CD247: variants seen among roughly 807,000 people sequenced by gnomAD.
CD247 encodes the protein CD247 molecule.
CD247 carries 13 observed loss-of-function variants against 30.0 expected under a neutral mutation model. That is an observed-to-expected ratio of 0.43 (90% CI 0.28 to 0.69). CD247 has a LOEUF of 0.69. CD247 is among the 30% of genes least tolerant of loss of function. CD247 has a pLI of 0.16. For missense variants in CD247, 193 were observed against 212.6 expected, an observed-to-expected ratio of 0.91 and a Z score of 0.57; for synonymous variants, 72 against 80.0, an observed-to-expected ratio of 0.90 and a Z score of 0.53.
chr1:167,468,850 C>T (rs1443342433), intron 1 of CD247, among the ~76,000 whole-genome samples: 2 of 152,162 alleles, frequency 1.3e-5, no homozygotes, highest in Non-Finnish European at 2.9e-5. Context: ...ATGCTCCACC[C>T]GGCTGATTTG....
chr1:167,478,959 C>T (rs539441042), intron 1 of CD247, among the ~76,000 whole-genome samples: 5 of 152,288 alleles, frequency 3.3e-5, no homozygotes, highest in African/African-American at 7.2e-5. Context: ...TAAAGTATTA[C>T]AGTTTTTAAT....
chr1:167,451,056 C>A (rs1652332741), intron 1 of CD247, among the ~76,000 whole-genome samples: 1 of 151,934 alleles, frequency 6.6e-6, no homozygotes, highest in South Asian at 2.1e-4. Flanking sequence ...CAGGGAAGGG[C>A]ACTCCGGGCA....
chr1:167,514,302 A>G (rs555955328), intron 1 of CD247, among the ~76,000 whole-genome samples: 19 of 152,026 alleles, frequency 1.2e-4, no homozygotes, highest in African/African-American at 4.1e-4. Flanking sequence ...ATGCCCAGTT[A>G]ATTTTTTGCA....
chr1:167,435,883 G>C (rs1298329142), intron 4 of CD247, among the ~76,000 whole-genome samples: 1 of 152,224 alleles, frequency 6.6e-6, no homozygotes, highest in Non-Finnish European at 1.5e-5. Context: ...TTGGATGGTG[G>C]GGGTGAGGAG....
intron 1 of CD247, among the ~76,000 whole-genome samples, chr1:167,453,360 A>G (rs1652463468): frequency 6.6e-6 from 1 of 152,184 alleles, no homozygotes. Flanking sequence ...ACGAGAAGCC[A>G]GGTCTTGCCG....
At chr1:167,516,334 G>T (rs1256548203) in intron 1 of CD247, among the ~76,000 whole-genome samples, 1 of 152,266 alleles carries the variant, frequency 6.6e-6, no homozygotes, top group Admixed American at 6.5e-5. Flanking sequence ...TGTCTTGGTA[G>T]ATTCTCTCTC....
chr1:167,459,544 G>C (rs1299751197), intron 1 of CD247: 1 of 152,018 alleles, frequency 6.6e-6, no homozygotes, highest in African/African-American at 2.4e-5. Context: ...GTAGAGACAG[G>C]ATTTTGCCAT....
chr1:167,469,601 A>G (rs968665561), intron 1 of CD247, among the ~76,000 whole-genome samples: 4 of 152,244 alleles, frequency 2.6e-5, no homozygotes, highest in Admixed American at 6.5e-5. Context: ...ATTTTCAAGA[A>G]CAATGCAGAT....
intron 1 of CD247, among the ~76,000 whole-genome samples, chr1:167,473,418 C>T (rs1653615360): frequency 6.6e-6 from 1 of 152,176 alleles, no homozygotes; most frequent in Non-Finnish European, 1.5e-5. Context: ...CCACCCACGC[C>T]CACAGGCTAC....
intron 1 of CD247, among the ~76,000 whole-genome samples, chr1:167,506,694 T>G (rs779905431): frequency 2.0e-4 from 30 of 152,108 alleles, no homozygotes; most frequent in Non-Finnish European, 2.4e-4. Flanking sequence ...GACTACAAAG[T>G]AGCTACACTT....
chr1:167,440,223 A>T (rs1651753437), intron 2 of CD247: 2 of 252,064 alleles, frequency 7.9e-6, no homozygotes, highest in Non-Finnish European at 1.6e-5. Flanking sequence ...CCACGAAGAA[A>T]TCCAGGGTCT....
intron 6 of CD247, 143 bp from the exon 7 acceptor site, chr1:167,433,202 G>A: frequency 2.0e-5 from 16 of 798,352 alleles, no homozygotes; most frequent in Non-Finnish European, 3.0e-5. Context: ...TGGGAGAGAA[G>A]GATCCTCAGG....
chr1:167,461,763 G>C (rs549790357), intron 1 of CD247, among the ~76,000 whole-genome samples: 2 of 152,076 alleles, frequency 1.3e-5, no homozygotes, highest in Non-Finnish European at 2.9e-5. Flanking sequence ...CAGGAGAATC[G>C]CTTGAACCTG....
chr1:167,497,107 A>G (rs1444885619), intron 1 of CD247, among the ~76,000 whole-genome samples: 1 of 152,226 alleles, frequency 6.6e-6, no homozygotes, highest in Admixed American at 6.5e-5. Flanking sequence ...GACAGTGGTA[A>G]AATAAATTAC....
intron 2 of CD247, chr1:167,440,368 C>T (rs895270893): frequency 4.7e-5 from 22 of 465,922 alleles, no homozygotes; most frequent in Non-Finnish European, 7.9e-5. Flanking sequence ...AGTGTAAGCC[C>T]CTTTGTCACC....
chr1:167,432,400 G>A (rs1651314846), intron 7 of CD247, among the ~76,000 whole-genome samples: 1 of 152,170 alleles, frequency 6.6e-6, no homozygotes, highest in Non-Finnish European at 1.5e-5. Flanking sequence ...ACTCAACTCA[G>A]GCAAGCTGGG....
chr1:167,492,505 GAAGA>G (rs1654498452), intron 1 of CD247, among the ~76,000 whole-genome samples: 1 of 152,180 alleles, frequency 6.6e-6, no homozygotes, highest in Non-Finnish European at 1.5e-5. Context: ...AGGAAAAAAA[GAAGA>G]AAGAAAGAAA....
In CD247 at chr1:167,468,956, A is replaced by AT. The variant is rs555434103; in HGVS notation, c.59-28190dup. 8.1e-3 allele frequency among the ~76,000 whole-genome samples: 1,228 copies of AT among 151,770 alleles called. 30 individuals are homozygous for AT. Among genetic ancestry groups the AT allele is most frequent in the Admixed American group, 0.041 (632 of 15,258 alleles). ...CAAACATAGAGAAGAGCAAACTGCA[A>AT]TAAAAAAAAAAAAAACAGGAGTTCC... On this transcript the variant is annotated intron_variant, in intron 1 of 7. Transcript: ENST00000362089.
At chr1:167,438,728 G>T in intron 3 of CD247, 78 bp from the exon 4 acceptor site, 3 of 1,153,318 alleles carry the variant, frequency 2.6e-6, no homozygotes, top group South Asian at 1.2e-5. Flanking sequence ...GGGGAGTGTG[G>T]TTTCCCTCTC....
Sources: allele counts gnomAD v4.1 joint callset (sites outside exome capture counted in the v4.1 genomes callset), GRCh38; gene constraint gnomAD v4.1.1; transcripts MANE v1.5; gene names NCBI Gene and HGNC (gene_info 2026-07-23, HGNC 2026-07-21).